Variants in RCOR1 observed in about 807,000 individuals in gnomAD.
RCOR1 encodes REST corepressor 1.
In RCOR1, 12 loss-of-function variants were observed where a neutral mutation model predicts 64.0. The observed-to-expected ratio is 0.19, with a 90% CI of 0.12 to 0.30. The LOEUF is 0.30. RCOR1 is among the 10% of genes least tolerant of loss of function. The pLI, the probability that RCOR1 is intolerant of heterozygous loss-of-function variation, is 1.00. For synonymous variants in RCOR1, 279 were observed against 227.2 expected, an observed-to-expected ratio of 1.23 and a Z score of -2.05; for missense variants, 502 against 621.2, an observed-to-expected ratio of 0.81 and a Z score of 2.04.
At chr14:102,723,269 G>A (rs573747368) in intron 11 of RCOR1, among the ~76,000 whole-genome samples, 6 of 152,254 alleles carry the variant, frequency 3.9e-5, no homozygotes, top group Non-Finnish European at 5.9e-5. Flanking sequence ...TTTGTATTGC[G>A]TGTGCTACCA....
chr14:102,655,727 C>T (rs1352480433), intron 2 of RCOR1, among the ~76,000 whole-genome samples: 1 of 151,862 alleles, frequency 6.6e-6, no homozygotes, highest in African/African-American at 2.4e-5. Context: ...CTGAGGCGAG[C>T]GAATTGCCTG....
chr14:102,721,055 G>A lies in RCOR1; in HGVS notation c.1102G>A (p.Gly368Ser), dbSNP rs1427722189. Residue 368 changes from glycine to serine, a missense_variant, in exon 9 of 12, where the codon GGT becomes AGT. Coordinates refer to ENST00000262241, the MANE Select transcript of RCOR1 (RefSeq NM_015156.4). ...CAGTGCTCTCAAAGAAAAACTTGAT[G>A]GTGGAATAGAACCATATCGACTTCC... is the stretch of plus-strand genomic sequence containing the variant. ...TNSALKEKLD[G>S]GIEPYRLPEV... is the part of the protein sequence containing the mutation. 2 of 1,579,482 alleles carry A rather than the reference G, an allele frequency of 1.3e-6. No homozygotes were observed. The highest frequency in any genetic ancestry group is 3.6e-5 in the Admixed American group (2 of 55,714).
intron 2 of RCOR1, among the ~76,000 whole-genome samples, chr14:102,640,640 A>C (rs527858021): frequency 6.6e-6 from 1 of 151,896 alleles, no homozygotes; most frequent in Admixed American, 6.5e-5. Context: ...TCTTTTCTGC[A>C]GAGGCTATCA....
chr14:102,686,803 C>T (rs909554560), intron 3 of RCOR1, among the ~76,000 whole-genome samples: 3 of 152,196 alleles, frequency 2.0e-5, no homozygotes, highest in African/African-American at 7.2e-5. Flanking sequence ...TCTAGCTATG[C>T]CACAGTTTAT....
rs567429523 is a variant in RCOR1, at chr14:102,689,336, G to A, written c.445+7358G>A. Among the ~76,000 whole-genome samples the A allele has an allele frequency of 3.9e-5, 6 of 152,090 alleles. No homozygotes were observed. In the South Asian group the frequency reaches 8.3e-4, roughly 21 times the overall value. On this transcript the variant is annotated intron_variant, in intron 3 of 11. Transcript: ENST00000262241. ...ATTATTATTATTTTTTTTAAGGTAG[G>A]GCTTGAAAAGAAGGGGAGTGGAACT... is the stretch of plus-strand genomic sequence containing the variant.
rs112857140 is a variant in RCOR1, at chr14:102,612,494, C to T, written c.361+19169C>T. Among the ~76,000 whole-genome samples the T allele has an allele frequency of 5.0e-3, 759 of 152,092 alleles. 7 individuals are homozygous for T. Among genetic ancestry groups the T allele is most frequent in the African/African-American group, 0.017 (688 of 41,498 alleles). ...GATTACAGGTGTGAGCCACCACGCC[C>T]GGTCTGATTTTTGTATTTTTTGTAG... On this transcript the variant is annotated intron_variant, in intron 2 of 11. Transcript: ENST00000262241.
intron 2 of RCOR1, among the ~76,000 whole-genome samples, chr14:102,632,867 A>G (rs1448886291): frequency 1.3e-5 from 2 of 149,218 alleles, no homozygotes; most frequent in Admixed American, 6.8e-5. Context: ...GACTGAGTGC[A>G]GTGAAGTGAT....
Position 102,592,971 on chromosome 14 carries a change from G to GCCT in RCOR1, c.87_88insTCC (p.Ala29_Ala30insSer). On this transcript the variant is annotated inframe_insertion, in exon 1 of 12. Transcript: ENST00000262241. ...CGCGGCCGCCTCCGCCTCCGCCGCCGCCGCCTCCGCCGCCGCCTCGGCCGC... is the reference window on the plus strand; with the variant it reads ...CGCGGCCGCCTCCGCCTCCGCCGCCGCCTCCGCCTCCGCCGCCGCCTCGGCCGC... 1 of 1,153,960 alleles carries GCCT rather than the reference G, an allele frequency of 8.7e-7. No homozygotes were observed. The highest frequency in any genetic ancestry group is 5.0e-5 in the East Asian group (1 of 19,940). 71.5% of individuals were successfully genotyped at this position (1,153,960 alleles called of 1,614,324 possible). A position where few individuals can be genotyped will look rare whatever the true frequency, so the allele number is the denominator to read the frequency against.
intron 2 of RCOR1, among the ~76,000 whole-genome samples, chr14:102,611,131 G>A (rs1222847742): frequency 1.3e-5 from 2 of 152,106 alleles, no homozygotes; most frequent in African/African-American, 4.8e-5. Flanking sequence ...GTGGAATGGT[G>A]TGATCTTGGC....
Position 102,630,022 on chromosome 14 carries a change from GA to G in RCOR1, c.361+36698del, listed in dbSNP as rs1894076480. ...AGGCAGAAGTGGGGAGTCTTGGGCA[GA>G]TTACTTAACCACTGCTATAGTTTGG... is the stretch of plus-strand genomic sequence containing the variant. On this transcript the variant is annotated intron_variant, in intron 2 of 11. Transcript: ENST00000262241. 4.1e-6 allele frequency: 4 copies of G among 970,852 alleles called. No individual in the cohort carries two copies. In the East Asian group the frequency reaches 4.6e-4, roughly 111 times the overall value. The allele number at this position is 970,852 out of a possible 1,614,324, so 60.1% of individuals were successfully genotyped here. A position where few individuals can be genotyped will look rare whatever the true frequency, so the allele number is the denominator to read the frequency against.
chr14:102,708,562 A>C lies in RCOR1; in HGVS notation c.758A>C (p.Gln253Pro), dbSNP rs1214422718. ...TSVMDRHARK[Q>P]KREREESEDE... ...GTGATGGATCGCCATGCCCGGAAACAAAAACGGGAGCGGGAGGAGAGGTGA... is the reference window on the plus strand; with the variant it reads ...GTGATGGATCGCCATGCCCGGAAACCAAAACGGGAGCGGGAGGAGAGGTGA... Residue 253 changes from glutamine (Q) to proline (P), a missense_variant, in exon 6 of 12, where the codon CAA (glutamine) becomes CCA (proline). By Grantham distance (76) the Gln-to-Pro change is moderately conservative. This residue lies in a region of RCOR1 where 260 missense variants were observed against 416.4 expected (regional missense o/e 0.62). Coordinates refer to ENST00000262241, the MANE Select transcript of RCOR1 (RefSeq NM_015156.4). 1 of 1,608,166 alleles carries C rather than the reference A, an allele frequency of 6.2e-7. No homozygotes were observed. The highest frequency in any genetic ancestry group is 8.5e-7 in the Non-Finnish European group (1 of 1,175,038).
At chr14:102,613,461 C>CT (rs1205200419) in intron 2 of RCOR1, among the ~76,000 whole-genome samples, 1 of 143,228 alleles carries the variant, frequency 7.0e-6, no homozygotes, top group Non-Finnish European at 1.5e-5. Flanking sequence ...GAGACGGAGT[C>CT]TCGTTCTGTC....
intron 2 of RCOR1, among the ~76,000 whole-genome samples, chr14:102,611,403 A>G (rs1170246425): frequency 2.0e-5 from 3 of 152,142 alleles, no homozygotes; most frequent in African/African-American, 7.2e-5. Context: ...CTTGTCTACT[A>G]ATTCTATCAT....
chr14:102,696,808 C>CTTTTTTTT (rs71305075), intron 3 of RCOR1, among the ~76,000 whole-genome samples: 10 of 57,382 alleles, frequency 1.7e-4, no homozygotes, highest in Non-Finnish European at 2.4e-4. Context: ...ATCTGCTTAT[C>CTTTTTTTT]TTTTTTTTTT....
intron 2 of RCOR1, among the ~76,000 whole-genome samples, chr14:102,676,658 C>T (rs1325143796): frequency 9.4e-5 from 10 of 106,790 alleles, no homozygotes; most frequent in East Asian, 3.1e-4. Context: ...CCCTCCCGGA[C>T]GGGGCGGCTG....
At chr14:102,641,712 T>A (rs1302595813) in intron 2 of RCOR1, among the ~76,000 whole-genome samples, 1 of 152,204 alleles carries the variant, frequency 6.6e-6, no homozygotes, top group Non-Finnish European at 1.5e-5. Context: ...TTTACTCATA[T>A]AAGGAAAGTG....
intron 3 of RCOR1, among the ~76,000 whole-genome samples, chr14:102,687,250 C>G (rs1435753133): frequency 6.6e-6 from 1 of 152,150 alleles, no homozygotes; most frequent in African/African-American, 2.4e-5. Flanking sequence ...GCAACTCTTC[C>G]TTTTTAGAGG....
intron 2 of RCOR1, among the ~76,000 whole-genome samples, chr14:102,633,121 A>G (rs1191969018): frequency 1.3e-5 from 2 of 151,400 alleles, no homozygotes; most frequent in Admixed American, 6.6e-5. Context: ...GCTGTTTTCA[A>G]CCTATATGCT....
intron 6 of RCOR1, among the ~76,000 whole-genome samples, chr14:102,710,471 G>A (rs1381483109): frequency 6.6e-6 from 1 of 152,172 alleles, no homozygotes; most frequent in South Asian, 2.1e-4. Context: ...GTGTGGCCTT[G>A]GGTAGAAAGA....
Sources: allele counts gnomAD v4.1 joint callset (sites outside exome capture counted in the v4.1 genomes callset), GRCh38; gene constraint gnomAD v4.1.1; regional missense constraint gnomAD v4.1.1; transcripts MANE v1.5; gene names NCBI Gene and HGNC (gene_info 2026-07-23, HGNC 2026-07-21).